PTPRT: variants seen among roughly 807,000 people sequenced by gnomAD.
PTPRT encodes protein tyrosine phosphatase receptor type T, also known as receptor-type tyrosine-protein phosphatase T.
A neutral mutation model predicts 176.8 loss-of-function variants in PTPRT; 56 were observed. The ratio of observed to expected loss-of-function variants is 0.32; its 90% CI spans 0.26 to 0.40. The LOEUF (loss-of-function observed/expected upper bound fraction) is 0.40. Among genes scored for constraint, PTPRT ranks in the 10% least tolerant of loss-of-function variants. The pLI is 1.00. For synonymous variants in PTPRT, 783 were observed against 739.0 expected (o/e 1.06, Z -0.96); for missense variants, 1,540 against 1,908.2 (o/e 0.81, Z 3.60).
chr20:42,799,103 A>T (rs1370972769), intron 2 of PTPRT, among the ~76,000 whole-genome samples: 1 of 152,086 alleles, frequency 6.6e-6, no homozygotes, highest in Non-Finnish European at 1.5e-5. Context: ...GAAAAGAAGG[A>T]GAAAACAAAA....
intron 9 of PTPRT, among the ~76,000 whole-genome samples, chr20:42,371,953 T>C (rs1198415281): frequency 6.6e-6 from 1 of 152,138 alleles, no homozygotes; most frequent in Non-Finnish European, 1.5e-5. Context: ...TGGTCCAGAA[T>C]GTAGTCAGGA....
rs749933532 is a variant in PTPRT at position 42,076,897 on chromosome 20, C to T, written c.*3982G>A. ...AGCTTTATCCACTGACGTATCTGTTCCACTCTAGTCTCTTCTGTTATGGGT... is the reference window on the plus strand; with the variant it reads ...AGCTTTATCCACTGACGTATCTGTTTCACTCTAGTCTCTTCTGTTATGGGT... On this transcript the variant is annotated 3_prime_UTR_variant, in exon 31 of 31. Coordinates refer to ENST00000373187, the MANE Select transcript of PTPRT (RefSeq NM_007050.6). 1 of 198,622 alleles carries T rather than the reference C, an allele frequency of 5.0e-6. No homozygotes were observed. The highest frequency in any genetic ancestry group is 1.0e-5 in the Non-Finnish European group (1 of 96,174). The allele number at this position is 198,622 out of a possible 1,614,324, so 12.3% of individuals were successfully genotyped here. A position where few individuals can be genotyped will look rare whatever the true frequency, so the allele number is the denominator to read the frequency against.
chr20:42,652,673 T>C (rs1044910974), intron 7 of PTPRT, among the ~76,000 whole-genome samples: 1 of 152,118 alleles, frequency 6.6e-6, no homozygotes, highest in South Asian at 2.1e-4. Context: ...CTATGGTGCC[T>C]CTGATAGCAG....
In PTPRT at chr20:42,906,959, G is replaced by A. The variant is rs368666777; in HGVS notation, c.89-21027C>T. ...GTCAACCCCCAAGTTCAAAATTACC[G>A]CATCTAACAAAGAGCACACCATGTC... On this transcript the variant is annotated intron_variant, in intron 1 of 30. Coordinates refer to ENST00000373187, the MANE Select transcript of PTPRT (RefSeq NM_007050.6). 5.9e-5 allele frequency among the ~76,000 whole-genome samples: 9 copies of A among 151,818 alleles called. No homozygotes were observed. The East Asian group carries it at 7.7e-4, about 13-fold the overall frequency.
At chr20:42,885,503 C>A (rs1273081550) in intron 2 of PTPRT, among the ~76,000 whole-genome samples, 1 of 151,952 alleles carries the variant, frequency 6.6e-6, no homozygotes, top group Non-Finnish European at 1.5e-5. Context: ...TTCAGAAGCT[C>A]TTTCCCTGAC....
intron 3 of PTPRT, among the ~76,000 whole-genome samples, chr20:42,790,889 TC>T (rs1293349190): frequency 6.6e-6 from 1 of 152,194 alleles, no homozygotes; most frequent in Non-Finnish European, 1.5e-5. Context: ...ACCTCCCTCA[TC>T]ATGTCATAAG....
chr20:42,523,989 C>T (rs996648234), intron 7 of PTPRT, among the ~76,000 whole-genome samples: 3 of 151,338 alleles, frequency 2.0e-5, no homozygotes, highest in Non-Finnish European at 4.4e-5. Context: ...ATAGGGAGAC[C>T]CTATCTCTAA....
the PTPRT span, among the ~76,000 whole-genome samples, chr20:42,049,312 C>T: frequency 6.6e-6 from 1 of 152,212 alleles, no homozygotes; most frequent in Non-Finnish European, 1.5e-5. Flanking sequence ...CTTACTCTTC[C>T]AGAAGGCCCT....
At chr20:42,452,672 T>C (rs1306091881) in intron 8 of PTPRT, among the ~76,000 whole-genome samples, 7 of 152,196 alleles carry the variant, frequency 4.6e-5, no homozygotes, top group African/African-American at 1.4e-4. Flanking sequence ...GTCTGTCTGA[T>C]GAAGACTGTG....
chr20:42,188,201 G>T (rs1045500982), intron 16 of PTPRT, among the ~76,000 whole-genome samples: 1 of 152,220 alleles, frequency 6.6e-6, no homozygotes, highest in African/African-American at 2.4e-5. Flanking sequence ...CCTAGAGTGA[G>T]TATGAGCAGA....
intron 9 of PTPRT, among the ~76,000 whole-genome samples, chr20:42,393,143 C>A (rs915938002): frequency 6.6e-6 from 1 of 152,108 alleles, no homozygotes; most frequent in Non-Finnish European, 1.5e-5. Context: ...ATAGGAAGGG[C>A]ACCTCTGGAA....
At chr20:42,843,277 A>C (rs976089538) in intron 2 of PTPRT, among the ~76,000 whole-genome samples, 4 of 152,236 alleles carry the variant, frequency 2.6e-5, no homozygotes, top group African/African-American at 9.6e-5. Context: ...CACAGTGCAC[A>C]TCTCATGCCA....
At chr20:43,142,498 G>A (rs2014044724) in intron 1 of PTPRT, among the ~76,000 whole-genome samples, 2 of 152,218 alleles carry the variant, frequency 1.3e-5, no homozygotes, top group South Asian at 4.1e-4. Context: ...AGCCCTGCCT[G>A]ACCTAAGAAA....
intron 1 of PTPRT, among the ~76,000 whole-genome samples, chr20:43,137,283 A>C (rs1005382677): frequency 2.0e-5 from 3 of 152,166 alleles, no homozygotes; most frequent in Admixed American, 2.0e-4. Context: ...CTTTCTCCAG[A>C]GCAAGAATCA....
intron 1 of PTPRT, among the ~76,000 whole-genome samples, chr20:43,083,321 T>TGTATATATATATATAC (rs1491174501): frequency 3.5e-4 from 4 of 11,428 alleles, no homozygotes; most frequent in African/African-American, 1.7e-3. Flanking sequence ...ACTTCAAATG[T>TGTATATATATATATAC]ATATATATAT....
intron 6 of PTPRT, among the ~76,000 whole-genome samples, chr20:42,750,243 G>A (rs2076751280): frequency 1.3e-5 from 2 of 151,954 alleles, no homozygotes; most frequent in African/African-American, 4.8e-5. Flanking sequence ...TAATAGTAAT[G>A]TAAAAAATAT....
intron 13 of PTPRT, among the ~76,000 whole-genome samples, chr20:42,251,953 G>T (rs943048130): frequency 1.3e-5 from 2 of 152,196 alleles, no homozygotes; most frequent in Non-Finnish European, 2.9e-5. Context: ...CTTTAGTGTG[G>T]AACCAAAGTG....
At chr20:42,654,757 AG>A (rs2075094055) in intron 7 of PTPRT, among the ~76,000 whole-genome samples, 1 of 152,106 alleles carries the variant, frequency 6.6e-6, no homozygotes, top group East Asian at 1.9e-4. Flanking sequence ...AGCCCAGAGA[AG>A]TTTAGTAAGT....
intron 9 of PTPRT, among the ~76,000 whole-genome samples, chr20:42,398,026 G>C (rs1471023397): frequency 6.6e-6 from 1 of 152,068 alleles, no homozygotes; most frequent in African/African-American, 2.4e-5. Context: ...GGAAACTGAG[G>C]CTTGAAAAAT....
Sources: gnomAD v4.1 joint callset for allele counts (sites outside exome capture counted in the v4.1 genomes callset) on GRCh38, gnomAD v4.1.1 for gene constraint, MANE v1.5 for transcripts, NCBI Gene and HGNC (gene_info 2026-07-23, HGNC 2026-07-21) for gene names.